RSRC1: variants seen among roughly 807,000 people sequenced by gnomAD.
RSRC1 encodes the protein arginine and serine rich coiled-coil 1.
A neutral mutation model predicts 49.1 loss-of-function variants in RSRC1; 39 were observed. The ratio of observed to expected loss-of-function variants is 0.79; its 90% CI spans 0.61 to 1.04. The LOEUF is 1.04. Among genes scored for constraint, RSRC1 ranks in the 50% least tolerant of loss-of-function variants. The pLI is 0.00. For missense variants in RSRC1, 388 were observed against 402.4 expected (o/e 0.96, Z 0.31); for synonymous variants, 143 against 130.8 (o/e 1.09, Z -0.63).
intron 6 of RSRC1, among the ~76,000 whole-genome samples, chr3:158,444,976 A>G (rs902590314): frequency 1.3e-5 from 2 of 152,176 alleles, no homozygotes; most frequent in African/African-American, 4.8e-5. Flanking sequence ...ACCAGTTAGA[A>G]TGGCAATCAT....
chr3:158,201,127 A>G (rs1721021954), intron 3 of RSRC1, among the ~76,000 whole-genome samples: 2 of 152,100 alleles, frequency 1.3e-5, no homozygotes, highest in African/African-American at 4.8e-5. Context: ...TGGGTATAAA[A>G]TTCTAGGTTG....
intron 3 of RSRC1, among the ~76,000 whole-genome samples, chr3:158,182,746 C>G (rs1453840823): frequency 2.0e-5 from 3 of 152,096 alleles, no homozygotes; most frequent in Non-Finnish European, 2.9e-5. Flanking sequence ...TTCCTTTGTT[C>G]TGATACGTTT....
At chr3:158,477,498 A>G (rs909786524) in intron 7 of RSRC1, among the ~76,000 whole-genome samples, 3 of 152,112 alleles carry the variant, frequency 2.0e-5, no homozygotes, top group Non-Finnish European at 4.4e-5. Flanking sequence ...ATGACTTGTT[A>G]AAGGCTCAGA....
At chr3:158,410,551 A>G (rs1337489830) in intron 6 of RSRC1, among the ~76,000 whole-genome samples, 2 of 152,258 alleles carry the variant, frequency 1.3e-5, no homozygotes, top group East Asian at 3.9e-4. Context: ...TAAGACTTTT[A>G]TGGTCAGACC....
At position 158,229,285 on chromosome 3, in the gene RSRC1, TAC is replaced by T. The variant is rs75130552; in HGVS notation, c.494+26047_494+26048del. Among the ~76,000 whole-genome samples, 43 of 81,720 alleles carry T rather than the reference TAC, an allele frequency of 5.3e-4. 1 individual carries two copies. Among genetic ancestry groups the T allele is most frequent in the East Asian group, 4.3e-3 (9 of 2,082 alleles). 53.6% of individuals were successfully genotyped at this position (81,720 alleles called of 152,430 possible). A position where few individuals can be genotyped will look rare whatever the true frequency, so the allele number is the denominator to read the frequency against. ...ATATGTGTATGTATGTATATAAACA[TAC>T]ACACACGTATATGTGTATGTATGTA... On this transcript the variant is annotated intron_variant, in intron 4 of 9. Transcript: ENST00000611884.
chr3:158,291,319 A>G (rs990636052), intron 4 of RSRC1, among the ~76,000 whole-genome samples: 2 of 152,318 alleles, frequency 1.3e-5, no homozygotes, highest in East Asian at 1.9e-4. Context: ...GTTCAGTGGA[A>G]TGACACTTTC....
intron 4 of RSRC1, among the ~76,000 whole-genome samples, chr3:158,231,575 T>C (rs1722961303): frequency 6.6e-6 from 1 of 152,196 alleles, no homozygotes; most frequent in South Asian, 2.1e-4. Context: ...GCCATGATGC[T>C]GCTCTTTAGA....
chr3:158,224,414 A>G (rs1722402716), intron 4 of RSRC1, among the ~76,000 whole-genome samples: 1 of 151,792 alleles, frequency 6.6e-6, no homozygotes, highest in Admixed American at 6.6e-5. Flanking sequence ...TATGTTTATA[A>G]TAGTGTTCAA....
intron 4 of RSRC1, among the ~76,000 whole-genome samples, chr3:158,222,146 A>G (rs770729777): frequency 3.3e-5 from 5 of 151,566 alleles, no homozygotes; most frequent in African/African-American, 7.3e-5. Context: ...ATAGAGCACT[A>G]TGGACATTGT....
At chr3:158,421,141 A>G (rs369688220) in intron 6 of RSRC1, among the ~76,000 whole-genome samples, 8 of 151,898 alleles carry the variant, frequency 5.3e-5, no homozygotes, top group African/African-American at 1.9e-4. Flanking sequence ...GAGACAAGTT[A>G]GTCATATTAG....
chr3:158,288,034 G>GT (rs1379484387), intron 4 of RSRC1, among the ~76,000 whole-genome samples: 1 of 151,948 alleles, frequency 6.6e-6, no homozygotes, highest in Non-Finnish European at 1.5e-5. Flanking sequence ...TGATTTTTTT[G>GT]TTTTTTCGTA....
chr3:158,275,192 A>G (rs1414741762), intron 4 of RSRC1, among the ~76,000 whole-genome samples: 1 of 152,206 alleles, frequency 6.6e-6, no homozygotes, highest in African/African-American at 2.4e-5. Context: ...TACCACTACC[A>G]TTAACCATTG....
chr3:158,435,291 T>G (rs551943046), intron 6 of RSRC1, among the ~76,000 whole-genome samples: 126 of 151,948 alleles, frequency 8.3e-4, no homozygotes, highest in Middle Eastern at 3.4e-3. Context: ...TAATATTAAA[T>G]TTCAAGGTCA....
intron 3 of RSRC1, among the ~76,000 whole-genome samples, chr3:158,142,484 T>C (rs537925783): frequency 1.4e-4 from 21 of 152,250 alleles, no homozygotes; most frequent in Non-Finnish European, 2.6e-4. Context: ...CTGAGTAGTA[T>C]AGAGAAAAGA....
At chr3:158,180,822 T>G (rs1719564498) in intron 3 of RSRC1, among the ~76,000 whole-genome samples, 5 of 148,250 alleles carry the variant, frequency 3.4e-5, no homozygotes, top group African/African-American at 1.0e-4. Flanking sequence ...TTTTTTTTTT[T>G]GAGATGGAGT....
intron 1 of RSRC1, among the ~76,000 whole-genome samples, chr3:158,111,069 T>C (rs1714358764): frequency 6.6e-6 from 1 of 152,210 alleles, no homozygotes; most frequent in South Asian, 2.1e-4. Flanking sequence ...TCAAATGTCT[T>C]ATGTTGTCAC....
chr3:158,508,339 T>C (rs1739968179), intron 7 of RSRC1, among the ~76,000 whole-genome samples: 1 of 152,024 alleles, frequency 6.6e-6, no homozygotes, highest in African/African-American at 2.4e-5. Flanking sequence ...CTCCTGTTGT[T>C]TCATCCCTTT....
At chr3:158,166,674 A>G (rs1303650060) in intron 3 of RSRC1, among the ~76,000 whole-genome samples, 1 of 152,194 alleles carries the variant, frequency 6.6e-6, no homozygotes, top group Non-Finnish European at 1.5e-5. Flanking sequence ...CAGGCAATGC[A>G]TATTTCTTAG....
intron 6 of RSRC1, among the ~76,000 whole-genome samples, chr3:158,391,285 A>T (rs1733274882): frequency 6.6e-6 from 1 of 152,118 alleles, no homozygotes. Flanking sequence ...TACTGCAATG[A>T]ATCATAATTG....
Sources: gnomAD v4.1 joint callset for allele counts (sites outside exome capture counted in the v4.1 genomes callset) on GRCh38, gnomAD v4.1.1 for gene constraint, MANE v1.5 for transcripts, NCBI Gene and HGNC (gene_info 2026-07-23, HGNC 2026-07-21) for gene names.